Variants in MTFR1 observed in about 807,000 individuals in gnomAD.
MTFR1 encodes the protein chondrocyte protein with a poly-proline region.
Under a neutral mutation model 38.8 loss-of-function variants are expected in MTFR1, and 28 were observed. That is an observed-to-expected ratio of 0.72 (90% CI 0.53 to 0.99). MTFR1 has a LOEUF of 0.99. Among genes scored for constraint, MTFR1 ranks in the 50% least tolerant of loss-of-function variants. MTFR1 has a pLI of 0.00. For missense variants in MTFR1, 358 were observed against 395.5 expected, an observed-to-expected ratio of 0.91 and a Z score of 0.81; for synonymous variants, 145 against 137.0, an observed-to-expected ratio of 1.06 and a Z score of -0.41.
chr8:65,748,314 A>G (rs1286933797), intron 3 of MTFR1, among the ~76,000 whole-genome samples: 1 of 152,198 alleles, frequency 6.6e-6, no homozygotes, highest in Admixed American at 6.6e-5. Context: ...TTAAGAAGAA[A>G]AGGAGGTAGA....
chr8:65,717,065 C>T (rs1308522978), intron 2 of MTFR1, among the ~76,000 whole-genome samples: 5 of 152,132 alleles, frequency 3.3e-5, no homozygotes, highest in African/African-American at 1.2e-4. Flanking sequence ...TTTATATTGA[C>T]ATTTTAAAGT....
intron 3 of MTFR1, among the ~76,000 whole-genome samples, chr8:65,688,003 G>C (rs1805145169): frequency 6.7e-6 from 1 of 150,068 alleles, no homozygotes; most frequent in South Asian, 2.1e-4. Flanking sequence ...GGGAGACTGA[G>C]GCAGGAGAAT....
intron 2 of MTFR1, among the ~76,000 whole-genome samples, chr8:65,716,536 T>C (rs1806151615): frequency 6.6e-6 from 1 of 152,202 alleles, no homozygotes; most frequent in South Asian, 2.1e-4. Flanking sequence ...ATGGGTCTTC[T>C]GTGCACCCAA....
chr8:65,754,077 G>A (rs1808099146), intron 3 of MTFR1, among the ~76,000 whole-genome samples: 1 of 152,098 alleles, frequency 6.6e-6, no homozygotes, highest in Non-Finnish European at 1.5e-5. Flanking sequence ...AAGCTGAGGA[G>A]CAAGGAAAGC....
chr8:65,736,296 G>A (rs1807125018), intron 3 of MTFR1, among the ~76,000 whole-genome samples: 1 of 152,212 alleles, frequency 6.6e-6, no homozygotes, highest in East Asian at 1.9e-4. Context: ...ACAATGGTGT[G>A]CAATTCAAAA....
chr8:65,773,972 TG>T (rs1809185315), downstream of MTFR1, among the ~76,000 whole-genome samples: 1 of 152,228 alleles, frequency 6.6e-6, no homozygotes, highest in South Asian at 2.1e-4. Context: ...ACTCTTTTAC[TG>T]ATTTCCTTAC....
intron 3 of MTFR1, among the ~76,000 whole-genome samples, chr8:65,742,227 T>C (rs770952216): frequency 8.6e-5 from 13 of 151,668 alleles, no homozygotes; most frequent in Non-Finnish European, 1.3e-4. Flanking sequence ...TATGAAAGAG[T>C]GGTCCTCAAT....
downstream of MTFR1, among the ~76,000 whole-genome samples, chr8:65,771,735 C>T (rs1271760975): frequency 1.3e-5 from 2 of 151,528 alleles, no homozygotes; most frequent in South Asian, 2.1e-4. Context: ...GTTAGCCAGG[C>T]GTGGTGGTGG....
chr8:65,692,449 C>T (rs554013226), intron 3 of MTFR1, among the ~76,000 whole-genome samples: 6 of 152,192 alleles, frequency 3.9e-5, no homozygotes, highest in Admixed American at 1.3e-4. Context: ...GTAATCCTCC[C>T]ACCTCAGCCT....
downstream of MTFR1, among the ~76,000 whole-genome samples, chr8:65,711,488 C>T (rs1040329831): frequency 1.3e-5 from 2 of 151,992 alleles, no homozygotes; most frequent in South Asian, 4.2e-4. Flanking sequence ...ACAAAGTCAG[C>T]GCTGGGATTG....
intron 3 of MTFR1, among the ~76,000 whole-genome samples, chr8:65,691,950 T>A (rs1805294386): frequency 6.6e-6 from 1 of 152,256 alleles, no homozygotes; most frequent in Non-Finnish European, 1.5e-5. Flanking sequence ...CTTTCAACAA[T>A]GTTAGTATTA....
intron 4 of MTFR1, among the ~76,000 whole-genome samples, chr8:65,694,643 G>C (rs1222780079): frequency 6.6e-6 from 1 of 152,162 alleles, no homozygotes; most frequent in South Asian, 2.1e-4. Flanking sequence ...GAGAATTTGT[G>C]TAATTGGAGA....
At chr8:65,707,356 A>G in intron 6 of MTFR1, 100 bp downstream of exon 6, 1 of 1,273,370 alleles carries the variant, frequency 7.9e-7, no homozygotes, top group Non-Finnish European at 1.1e-6. Context: ...GACTGCCATG[A>G]ATAGTTTTTA....
intron 3 of MTFR1, chr8:65,739,693 A>G: frequency 1.7e-6 from 2 of 1,206,632 alleles, no homozygotes; most frequent in South Asian, 5.9e-5. Context: ...AAAACATGGA[A>G]AGAGTAATAA....
At chr8:65,742,189 T>TA (rs1424490278) in intron 3 of MTFR1, among the ~76,000 whole-genome samples, 1 of 152,210 alleles carries the variant, frequency 6.6e-6, no homozygotes, top group Non-Finnish European at 1.5e-5. Flanking sequence ...GCTACCCACA[T>TA]AAAAATATAT....
chr8:65,766,721 A>G lies in MTFR1; in HGVS notation c.*49-4226A>G, dbSNP rs529168709. Among the ~76,000 whole-genome samples the G allele has an allele frequency of 2.0e-5, 3 of 152,268 alleles. No individual in the cohort carries two copies. In the South Asian group the frequency reaches 6.2e-4, roughly 32 times the overall value. On this transcript the variant is annotated intron_variant, in intron 3 of 3. Coordinates refer to the MTFR1 transcript ENST00000521247. The stretch of plus-strand genomic sequence containing the variant: ...TTGGGGCTACCCATTGCTCATTGTT[A>G]TTAAGTGCCTCAAACTTAAATTTTC...
At chr8:65,666,513 A>G (rs1208643962) in intron 1 of MTFR1, among the ~76,000 whole-genome samples, 2 of 152,222 alleles carry the variant, frequency 1.3e-5, no homozygotes, top group African/African-American at 4.8e-5. Flanking sequence ...ACTTACAGAA[A>G]CATCTAGTTT....
intron 2 of MTFR1, chr8:65,719,171 T>G: frequency 1.5e-6 from 1 of 676,328 alleles, no homozygotes; most frequent in South Asian, 1.8e-5. Flanking sequence ...TAAATAATGC[T>G]GGCTGGCATC....
At position 65,707,216 on chromosome 8, in the gene MTFR1, C is replaced by G. The variant is rs775565132; in HGVS notation, c.724C>G (p.Leu242Val). Reference sequence around the variant, plus strand: ...TGAAATGCCAAATATGCTAGAGATCCTTAAAGAGATGAACAGTGTAAAACT... The same window carrying G: ...TGAAATGCCAAATATGCTAGAGATCGTTAAAGAGATGAACAGTGTAAAACT... The part of the protein sequence containing the change: ...KPEMPNMLEI[L>V]KEMNSVKLRS... Residue 242 changes from leucine (L) to valine (V), a missense_variant, in exon 6 of 8, where the codon CTT becomes GTT. Leu to Val is a conservative substitution (Grantham distance 32, BLOSUM62 1). Transcript: ENST00000262146. The G allele has an allele frequency of 1.9e-6, 3 of 1,614,140 alleles. No individual in the cohort carries two copies. Among genetic ancestry groups the G allele is most frequent in the Non-Finnish European group, 1.7e-6 (2 of 1,180,002 alleles).
Sources: gnomAD v4.1 joint callset for allele counts (sites outside exome capture counted in the v4.1 genomes callset) on GRCh38, gnomAD v4.1.1 for gene constraint, MANE v1.5 for transcripts, NCBI Gene and HGNC (gene_info 2026-07-23, HGNC 2026-07-21) for gene names.